ZBTB17: variants seen among roughly 807,000 people sequenced by gnomAD.
The protein encoded by ZBTB17 is zinc finger and BTB domain-containing protein 17.
Under a neutral mutation model 85.1 loss-of-function variants are expected in ZBTB17, and 24 were observed. The observed-to-expected ratio is 0.28, with a 90% confidence interval of 0.20 to 0.40. ZBTB17 has a LOEUF of 0.40. ZBTB17 is among the 10% of genes least tolerant of loss of function. The pLI, the probability that ZBTB17 is intolerant of heterozygous loss-of-function variation, is 1.00. For synonymous variants in ZBTB17, 464 were observed against 460.2 expected (o/e 1.01, Z -0.11); for missense variants, 743 against 1,105.1 (o/e 0.67, Z 4.65).
intron 2 of ZBTB17, among the ~76,000 whole-genome samples, chr1:15,960,584 G>C (rs939690764): frequency 7.2e-5 from 11 of 152,166 alleles, no homozygotes; most frequent in African/African-American, 2.7e-4. Flanking sequence ...CACTCGACAG[G>C]AATCAGAATC....
chr1:15,948,532 G>T (rs1260322467), intron 2 of ZBTB17, 35 bp from the exon 3 acceptor site: 2 of 1,597,126 alleles, frequency 1.3e-6, no homozygotes, highest in South Asian at 1.1e-5. Flanking sequence ...GGTTAGCACG[G>T]AGAAAGGACG....
In ZBTB17 at chr1:15,946,979, G is replaced by A. The variant is rs199666232; in HGVS notation, c.350C>T (p.Pro117Leu). The A allele has an allele frequency of 3.8e-5, 61 of 1,613,744 alleles. No individual in the cohort carries two copies. In the Admixed American group the frequency reaches 4.8e-4, roughly 13 times the overall value. ...ACHALKSLAE[P>L]ATSPGGNAEA... ...CGCATTTCCCCCAGGGCTGGTAGCC[G>A]GCTCAGCAAGTGACTTGAGGGCATG... The change falls in exon 4 of 16, where the codon CCG becomes CTG. Residue 117 changes from proline (P) to leucine (L), a missense_variant. Transcript: ENST00000375743.
rs1288151874 is a variant in ZBTB17, at chr1:15,952,619, T to G, written c.-2-4122A>C. ...GCTGGGACTGTGCCAATTCCAGACCTAAACCTAAAGAAGCCTGGAAGATTC... is the reference window on the plus strand; with the variant it reads ...GCTGGGACTGTGCCAATTCCAGACCGAAACCTAAAGAAGCCTGGAAGATTC... On this transcript the variant is annotated intron_variant, in intron 2 of 15. Coordinates refer to ENST00000375743, the MANE Select transcript of ZBTB17 (RefSeq NM_003443.3). The surrounding 1 kb of genome is among the most constrained non-coding windows in gnomAD (Gnocchi z 4.3). Among the ~76,000 whole-genome samples, 1 of 152,180 alleles carries G rather than the reference T, an allele frequency of 6.6e-6. No individual in the cohort carries two copies. The highest frequency in any genetic ancestry group is 1.5e-5 in the Non-Finnish European group (1 of 68,040).
chr1:15,974,520 T>G (rs1423524879), intron 1 of ZBTB17, among the ~76,000 whole-genome samples: 1 of 151,360 alleles, frequency 6.6e-6, no homozygotes, highest in African/African-American at 2.4e-5. Flanking sequence ...AAGTTTAAAG[T>G]CCTTAACTAG....
chr1:15,943,411 C>G lies in ZBTB17; in HGVS notation c.1685G>C (p.Arg562Pro). The G allele has an allele frequency of 6.3e-7, 1 of 1,599,540 alleles. No individual in the cohort carries two copies. Among genetic ancestry groups the G allele is most frequent in the Non-Finnish European group, 8.5e-7 (1 of 1,172,324 alleles). ...HTGEKPYVCE[R>P]CGKRFVQSSQ... Reference sequence around the variant, plus strand: ...GAGGGGGCAGGACCTCTTGCCGCAGCGCTCGCAGACGTAGGGCTTCTCCCC... The same window carrying G: ...GAGGGGGCAGGACCTCTTGCCGCAGGGCTCGCAGACGTAGGGCTTCTCCCC... Residue 562 changes from arginine (R) to proline (P), a missense_variant, in exon 12 of 16, where the codon CGC becomes CCC. Arg to Pro is a moderately radical substitution (Grantham distance 103). This residue lies in a region of ZBTB17 where 321 missense variants were observed against 615.7 expected (regional missense o/e 0.52). Transcript: ENST00000375743.
chr1:15,944,736 G>A lies in ZBTB17; in HGVS notation c.1031C>T (p.Ser344Phe). 6.2e-7 allele frequency: 1 copy of A among 1,612,014 alleles called. No homozygotes were observed. Among genetic ancestry groups the A allele is most frequent in the Non-Finnish European group, 8.5e-7 (1 of 1,179,886 alleles). ...ATGGGCCTTGCACGCGGCCGGGTCG[G>A]AAAAGGCCTTGCTGCACTCCCGGCA... ...FSCRECSKAFSDPAACKAHEK... is the reference protein window; with the variant it reads ...FSCRECSKAFFDPAACKAHEK... The change falls in exon 8 of 16, where the codon TCC (serine) becomes TTC (phenylalanine). Residue 344 changes from serine (S) to phenylalanine (F), a missense_variant. Around this residue, in one of 4 missense-constraint regions of ZBTB17, gnomAD observed 321 missense variants for 615.7 expected, o/e 0.52. Coordinates refer to ENST00000375743, the MANE Select transcript of ZBTB17 (RefSeq NM_003443.3).
rs766530679 is a variant in ZBTB17, at chr1:15,942,292, G to A, written c.2128+39C>T. 17 of 1,613,614 alleles carry A rather than the reference G, an allele frequency of 1.1e-5. No individual in the cohort carries two copies. The East Asian group carries it at 2.5e-4, about 23-fold the overall frequency. On this transcript the variant is annotated intron_variant, in intron 15 of 15. Coordinates refer to ENST00000375743, the MANE Select transcript of ZBTB17 (RefSeq NM_003443.3). ...CAGCAGTCAGAGTGGGAAGGACCCC[G>A]GGCTCTGCCCACATTCACACCCGGG...
intron 3 of ZBTB17, among the ~76,000 whole-genome samples, chr1:15,947,754 T>G (rs1008279202): frequency 3.3e-5 from 5 of 152,220 alleles, no homozygotes; most frequent in Non-Finnish European, 1.5e-5. Context: ...GGCCAGTCAC[T>G]GACCTCTTTG....
Position 15,952,441 on chromosome 1 carries a change from A to G in ZBTB17, c.-2-3944T>C, listed in dbSNP as rs1570145107. Among the ~76,000 whole-genome samples, 4 of 152,332 alleles carry G rather than the reference A, an allele frequency of 2.6e-5. No individual in the cohort carries two copies. The highest frequency in any genetic ancestry group is 6.5e-5 in the Admixed American group (1 of 15,300). ...GCGGAACAGACGCGGCAGAACCGAC[A>G]CGGCGGAACGGACGCGGATGATGCA... On this transcript the variant is annotated intron_variant, in intron 2 of 15. Transcript: ENST00000375743. This position sits in a 1 kb window ranked among gnomAD's most constrained non-coding sequence, Gnocchi z 4.3.
chr1:15,969,930 T>A (rs758506723), intron 2 of ZBTB17: 2 of 669,044 alleles, frequency 3.0e-6, no homozygotes, highest in Admixed American at 4.2e-5. Flanking sequence ...GAATCTGCCC[T>A]CCCATTGATT....
In ZBTB17 at chr1:15,945,135, C is replaced by A. The variant is rs763139650; in HGVS notation, c.729G>T (p.Glu243Asp). 2 of 1,599,464 alleles carry A rather than the reference C, an allele frequency of 1.3e-6. No individual in the cohort carries two copies. The highest frequency in any genetic ancestry group is 1.7e-6 in the Non-Finnish European group (2 of 1,173,308). Residue 243 changes from glutamate (E) to aspartate (D), a missense_variant, in exon 7 of 16, where the codon GAG (glutamate) becomes GAT (aspartate). Transcript: ENST00000375743. ...CCTTGACCTCAGCTGGCCCTGCGCC[C>A]TCCTCCTCTTGCTCCTCTTGCTCCT... ...EQKEQEEQEE[E>D]GAGPAEVKEE...
chr1:15,970,275 C>A (rs1265068777), intron 2 of ZBTB17: 10 of 361,282 alleles, frequency 2.8e-5, no homozygotes. Context: ...ATCTGAGCAG[C>A]CCTCATGGGA....
chr1:15,951,606 C>A lies in ZBTB17; in HGVS notation c.-2-3109G>T, dbSNP rs1472861186. ...CCCTCTCTCAAGGCCCGTGGCGAGA[C>A]GGAGGCATGGCCGGCTGGGTCCTTC... On this transcript the variant is annotated intron_variant, in intron 2 of 15. Transcript: ENST00000375743. The surrounding 1 kb of genome is among the most constrained non-coding windows in gnomAD (Gnocchi z 4.1). Among the ~76,000 whole-genome samples the A allele has an allele frequency of 6.6e-6, 1 of 152,138 alleles. No homozygotes were observed. Among genetic ancestry groups the A allele is most frequent in the Non-Finnish European group, 1.5e-5 (1 of 68,014 alleles).
Position 15,943,180 on chromosome 1 carries a change from C to T in ZBTB17, c.1712G>A (p.Ser571Asn). Residue 571 changes from serine (S) to asparagine (N), a missense_variant, in exon 13 of 16, where the codon AGC becomes AAC. Transcript: ENST00000375743. ...GTGGCGAATATGATTGGCCAACTGG[C>T]TGGACTGGACGAATCTGTGGGGCCA... is the stretch of plus-strand genomic sequence containing the variant. ...ERCGKRFVQS[S>N]QLANHIRHHD... is the part of the protein sequence containing the mutation. The T allele has an allele frequency of 1.9e-6, 3 of 1,614,168 alleles. No individual in the cohort carries two copies. Among genetic ancestry groups the T allele is most frequent in the Non-Finnish European group, 2.5e-6 (3 of 1,180,014 alleles).
chr1:15,975,522 G>T (rs1290021213), intron 1 of ZBTB17, among the ~76,000 whole-genome samples: 1 of 152,190 alleles, frequency 6.6e-6, no homozygotes, highest in Non-Finnish European at 1.5e-5. Context: ...TTTATACAGG[G>T]ACAGCGTCGG....
chr1:15,945,912 C>T (rs1194897324), intron 5 of ZBTB17, 72 bp from the exon 6 acceptor site: 76 of 1,563,718 alleles, frequency 4.9e-5, no homozygotes, highest in Non-Finnish European at 5.9e-5. Flanking sequence ...CCTGGACCAG[C>T]GCGCTGGTGG....
intron 2 of ZBTB17, among the ~76,000 whole-genome samples, 174 bp from the exon 3 acceptor site, chr1:15,948,671 C>T (rs997473932): frequency 1.3e-5 from 2 of 152,246 alleles, no homozygotes; most frequent in African/African-American, 2.4e-5. Flanking sequence ...AAGCCAAACT[C>T]AACCAACTGG....
At chr1:15,949,166 A>G (rs1406970373) in intron 2 of ZBTB17, among the ~76,000 whole-genome samples, 4 of 152,150 alleles carry the variant, frequency 2.6e-5, no homozygotes, top group African/African-American at 9.7e-5. Context: ...AGGAGAAACA[A>G]CTTTGATCCT....
chr1:15,963,839 C>T (rs564796841), intron 2 of ZBTB17, among the ~76,000 whole-genome samples: 21 of 152,220 alleles, frequency 1.4e-4, no homozygotes, highest in Admixed American at 2.0e-4. Context: ...GGCACAGTGG[C>T]TCACACCTCT....
Sources: gnomAD v4.1 joint callset for allele counts (sites outside exome capture counted in the v4.1 genomes callset) on GRCh38, gnomAD v4.1.1 for gene constraint, gnomAD v4.1.1 regional missense constraint, Gnocchi (gnomAD v3.1) non-coding constraint, MANE v1.5 for transcripts, NCBI Gene and HGNC (gene_info 2026-07-23, HGNC 2026-07-21) for gene names.